The following CALHM4 variants were observed in gnomAD, a reference collection of about 807,000 sequenced individuals.
CALHM4 encodes calcium homeostasis modulator protein 4.
CALHM4 carries 16 observed loss-of-function variants against 13.3 expected under a neutral mutation model. The ratio of observed to expected loss-of-function variants is 1.20; its 90% confidence interval spans 0.81 to 1.82. CALHM4 has a LOEUF of 1.82. Ranked by LOEUF, CALHM4 falls within the 40% of genes most tolerant of loss-of-function variation. The probability of loss-of-function intolerance (pLI) is 0.00; values close to 1 mark genes in which losing one functional copy is unlikely to be tolerated. For missense variants in CALHM4, 344 were observed against 374.9 expected, an observed-to-expected ratio of 0.92 and a Z score of 0.68; for synonymous variants, 127 against 137.1, an observed-to-expected ratio of 0.93 and a Z score of 0.52.
At chr6:116,557,112 A>G (rs1330492398) in intron 1 of CALHM4, among the ~76,000 whole-genome samples, 1 of 151,788 alleles carries the variant, frequency 6.6e-6, no homozygotes, top group Non-Finnish European at 1.5e-5. Flanking sequence ...TAATTTTTGT[A>G]TTTTTAGTAG....
chr6:116,539,974 C>G (rs1773334134), intron 1 of CALHM4, among the ~76,000 whole-genome samples: 1 of 152,120 alleles, frequency 6.6e-6, no homozygotes, highest in African/African-American at 2.4e-5. Context: ...CTGGGAATGA[C>G]TAAACAATAT....
At chr6:116,544,151 AAGAGAGAGAG>A (rs141606346) in intron 2 of CALHM4, among the ~76,000 whole-genome samples, 6 of 132,916 alleles carry the variant, frequency 4.5e-5, no homozygotes, top group Non-Finnish European at 9.8e-5. Context: ...AAAGGTGAAG[AAGAGAGAGAG>A]AGAGAGAGAG....
chr6:116,552,953 A>G (rs922180274), upstream of CALHM4, among the ~76,000 whole-genome samples: 1 of 152,182 alleles, frequency 6.6e-6, no homozygotes, highest in African/African-American at 2.4e-5. Context: ...GGGCGCCTGT[A>G]GTCCCAGCTA....
At position 116,560,798 on chromosome 6, in the gene CALHM4, C is replaced by T. The variant is rs2115310630; in HGVS notation, c.*2587C>T. 6.6e-6 allele frequency among the ~76,000 whole-genome samples: 1 copy of T among 152,166 alleles called. No homozygotes were observed. Among genetic ancestry groups the T allele is most frequent in the East Asian group, 1.9e-4 (1 of 5,186 alleles). Reference sequence around the variant, plus strand: ...ACATATAATTAAAGTCAATTATGTGCTAATACTACTTTATATTTTGCTACC... The same window carrying T: ...ACATATAATTAAAGTCAATTATGTGTTAATACTACTTTATATTTTGCTACC... On this transcript the variant is annotated 3_prime_UTR_variant, in exon 2 of 2. Transcript: ENST00000368596.
chr6:116,558,798 T>C lies in CALHM4; in HGVS notation c.*587T>C, dbSNP rs1774460489. The stretch of plus-strand genomic sequence containing the variant: ...GGGAAGCAGGACAGAAACCTCTTTC[T>C]AATCCAGTAACATGTGAGGGAGAAG... On this transcript the variant is annotated 3_prime_UTR_variant, in exon 2 of 2. Coordinates refer to ENST00000368596, the MANE Select transcript of CALHM4 (RefSeq NM_001366078.2). The C allele has an allele frequency of 6.6e-6, 1 of 152,332 alleles. No individual in the cohort carries two copies. The highest frequency in any genetic ancestry group is 2.4e-5 in the African/African-American group (1 of 41,466). The allele number at this position is 152,332 out of a possible 1,614,324, so 9.4% of individuals were successfully genotyped here. A position where few individuals can be genotyped will look rare whatever the true frequency, so the allele number is the denominator to read the frequency against.
rs1253161724 is a variant in CALHM4 at position 116,558,500 on chromosome 6, C to T, written c.*289C>T. 8 of 323,822 alleles carry T rather than the reference C, an allele frequency of 2.5e-5. No individual in the cohort carries two copies. Among genetic ancestry groups the T allele is most frequent in the Non-Finnish European group, 4.0e-5 (7 of 175,744 alleles). The allele number at this position is 323,822 out of a possible 1,614,324, so 20.1% of individuals were successfully genotyped here. A position where few individuals can be genotyped will look rare whatever the true frequency, so the allele number is the denominator to read the frequency against. ...AGTAGCTGTGTGAAAATTAATATTT[C>T]TGAGTGCCATTTTGTCATCTGCACA... On this transcript the variant is annotated 3_prime_UTR_variant, in exon 2 of 2. Transcript: ENST00000368596.
intron 1 of CALHM4, chr6:116,543,735 T>C: frequency 1.6e-6 from 2 of 1,227,858 alleles, no homozygotes; most frequent in African/African-American, 1.5e-5. Context: ...ATTTCTGTTT[T>C]TCTAAAATAT....
At position 116,556,208 on chromosome 6, in the gene CALHM4, C is replaced by T. The variant is rs6938375; in HGVS notation, c.559-1617C>T. Reference sequence around the variant, plus strand: ...GAAGTATTCCCTGATAATCCTTTCCCTTAAGTGAGTTCATTCCATTGTGCT... The same window carrying T: ...GAAGTATTCCCTGATAATCCTTTCCTTTAAGTGAGTTCATTCCATTGTGCT... On this transcript the variant is annotated intron_variant, in intron 1 of 1. Transcript: ENST00000368596. 2.7e-3 allele frequency among the ~76,000 whole-genome samples: 409 copies of T among 152,294 alleles called. 4 individuals are homozygous for T. The highest frequency in any genetic ancestry group is 9.4e-3 in the African/African-American group (392 of 41,566).
At chr6:116,552,855 A>T (rs1227166308), upstream of CALHM4, among the ~76,000 whole-genome samples, 3 of 152,174 alleles carry the variant, frequency 2.0e-5, no homozygotes. Context: ...CGGGCGGATC[A>T]CAAGGTCAGG....
At chr6:116,536,377 T>C (rs1009222068) in intron 1 of CALHM4, among the ~76,000 whole-genome samples, 1 of 152,174 alleles carries the variant, frequency 6.6e-6, no homozygotes, top group Non-Finnish European at 1.5e-5. Context: ...AGAGGCCTAA[T>C]GACAGACCGA....
intron 1 of CALHM4, among the ~76,000 whole-genome samples, chr6:116,532,912 C>T (rs1330810761): frequency 6.6e-6 from 1 of 152,226 alleles, no homozygotes; most frequent in African/African-American, 2.4e-5. Flanking sequence ...CATTACAACT[C>T]TTGCTTCACA....
chr6:116,539,964 C>A (rs1002662200), intron 1 of CALHM4, among the ~76,000 whole-genome samples: 3 of 152,136 alleles, frequency 2.0e-5, no homozygotes, highest in South Asian at 4.2e-4. Context: ...AAACAATACT[C>A]TGGGAATGAC....
At chr6:116,546,206 C>T (rs1406663711) in intron 2 of CALHM4, among the ~76,000 whole-genome samples, 1 of 152,130 alleles carries the variant, frequency 6.6e-6, no homozygotes, top group African/African-American at 2.4e-5. Flanking sequence ...TCAAAATGGG[C>T]GCTCTACAGT....
At chr6:116,548,600 G>C (rs957656641) in intron 2 of CALHM4, among the ~76,000 whole-genome samples, 1 of 152,112 alleles carries the variant, frequency 6.6e-6, no homozygotes, top group African/African-American at 2.4e-5. Context: ...TGAAAGAATG[G>C]TCTACAATTT....
upstream of CALHM4, among the ~76,000 whole-genome samples, chr6:116,549,980 TTATATATATATATATATATATA>T (rs10544532): frequency 6.7e-4 from 55 of 82,034 alleles, no homozygotes; most frequent in African/African-American, 2.4e-3. Flanking sequence ...CCATCTTAAA[TTATATATATATATATATATATA>T]TATATATATA....
chr6:116,551,109 C>T (rs1456087347), upstream of CALHM4, among the ~76,000 whole-genome samples: 5 of 152,184 alleles, frequency 3.3e-5, no homozygotes, highest in Non-Finnish European at 7.3e-5. Context: ...AATAAAGGCT[C>T]TAGTTAGGCT....
intron 1 of CALHM4, among the ~76,000 whole-genome samples, chr6:116,539,059 A>G (rs1446738266): frequency 2.6e-5 from 4 of 152,184 alleles, no homozygotes; most frequent in Non-Finnish European, 4.4e-5. Context: ...TCCTCATTAT[A>G]GAGAGACTGT....
At chr6:116,539,347 G>T (rs1331406013) in intron 1 of CALHM4, among the ~76,000 whole-genome samples, 2 of 152,042 alleles carry the variant, frequency 1.3e-5, no homozygotes, top group Non-Finnish European at 2.9e-5. Context: ...GAAGATACTC[G>T]AATAACAGTT....
rs1225737069 is a variant in CALHM4 at position 116,561,113 on chromosome 6, A to G, written c.*2902A>G. 6.6e-6 allele frequency among the ~76,000 whole-genome samples: 1 copy of G among 152,226 alleles called. No homozygotes were observed. The highest frequency in any genetic ancestry group is 1.5e-5 in the Non-Finnish European group (1 of 68,038). On this transcript the variant is annotated 3_prime_UTR_variant, in exon 2 of 2. Transcript: ENST00000368596. ...CTAATGCATGATTGTAATAAACAAC[A>G]GTGAGATTTTGCTAGTTGTTTTCTT... is the stretch of plus-strand genomic sequence containing the variant.
Sources: gnomAD v4.1 joint callset for allele counts (sites outside exome capture counted in the v4.1 genomes callset) on GRCh38, gnomAD v4.1.1 for gene constraint, MANE v1.5 for transcripts, NCBI Gene and HGNC (gene_info 2026-07-23, HGNC 2026-07-21) for gene names.